Variants in CLEC16A observed in about 807,000 individuals in gnomAD.
The protein encoded by CLEC16A is C-type lectin domain containing 16A, also known as protein CLEC16A.
A neutral mutation model predicts 109.5 loss-of-function variants in CLEC16A; 51 were observed. The observed-to-expected ratio is 0.47, with a 90% CI of 0.37 to 0.59. CLEC16A has a LOEUF of 0.59. Ranked by LOEUF, CLEC16A falls within the 20% of genes least tolerant of loss-of-function variation. The probability of loss-of-function intolerance (pLI) is 0.00; values close to 1 mark genes in which losing one functional copy is unlikely to be tolerated. For synonymous variants in CLEC16A, 673 were observed against 564.2 expected (o/e 1.19, Z -2.73); for missense variants, 1,339 against 1,394.0 (o/e 0.96, Z 0.63).
chr16:11,175,447 C>T (rs1483941700), intron 23 of CLEC16A, among the ~76,000 whole-genome samples: 2 of 152,192 alleles, frequency 1.3e-5, no homozygotes, highest in Non-Finnish European at 2.9e-5. Context: ...AGGCATGAAG[C>T]CAAGGCTTCA....
chr16:11,011,765 T>C (rs1429199444), intron 11 of CLEC16A, among the ~76,000 whole-genome samples: 2 of 152,156 alleles, frequency 1.3e-5, no homozygotes, highest in Admixed American at 1.3e-4. Context: ...TAAGCATGCG[T>C]ACACACACGT....
At chr16:11,027,857 AG>A in intron 13 of CLEC16A, 1 of 665,560 alleles carries the variant, frequency 1.5e-6, no homozygotes, top group East Asian at 2.7e-5. Flanking sequence ...TCTTCAGAGA[AG>A]ATTATTTCCT....
chr16:11,063,004 C>T (rs1036735391), intron 19 of CLEC16A, among the ~76,000 whole-genome samples: 25 of 152,098 alleles, frequency 1.6e-4, no homozygotes, highest in Admixed American at 1.5e-3. Flanking sequence ...CTTCTCTCCT[C>T]CCCCTAGGAA....
intron 18 of CLEC16A, among the ~76,000 whole-genome samples, chr16:11,052,868 G>C (rs553421823): frequency 2.0e-5 from 3 of 149,980 alleles, no homozygotes; most frequent in South Asian, 4.2e-4. Flanking sequence ...TGCTGCTCTG[G>C]ATTCCACTTT....
chr16:10,972,877 T>A (rs1245183914), intron 6 of CLEC16A, 61 bp from the exon 7 acceptor site: 9 of 1,507,260 alleles, frequency 6.0e-6, no homozygotes, highest in African/African-American at 1.4e-5. Context: ...GTTTTTTTTT[T>A]AATCTTCCCC....
intron 19 of CLEC16A, among the ~76,000 whole-genome samples, chr16:11,065,732 G>A (rs1430350816): frequency 1.3e-5 from 2 of 152,242 alleles, no homozygotes; most frequent in East Asian, 1.9e-4. Flanking sequence ...TGCTGTGCCA[G>A]GAGGGACCAG....
chr16:11,141,819 A>G (rs2053844735), intron 22 of CLEC16A, among the ~76,000 whole-genome samples: 2 of 152,200 alleles, frequency 1.3e-5, no homozygotes, highest in Non-Finnish European at 2.9e-5. Flanking sequence ...GCCTCTGCAC[A>G]TCGTGTAGCA....
intron 19 of CLEC16A, among the ~76,000 whole-genome samples, chr16:11,078,944 T>A (rs2049546322): frequency 6.6e-6 from 1 of 152,210 alleles, no homozygotes; most frequent in South Asian, 2.1e-4. Flanking sequence ...TAAGCTTGCA[T>A]ACAGTGTGCC....
At chr16:11,077,525 C>T (rs908366080) in intron 19 of CLEC16A, among the ~76,000 whole-genome samples, 5 of 150,610 alleles carry the variant, frequency 3.3e-5, no homozygotes, top group Non-Finnish European at 7.4e-5. Context: ...GGCGTAGTGG[C>T]GTGTGCCTGT....
chr16:11,178,300 C>T lies in CLEC16A; in HGVS notation c.2807-35C>T. ...GCAGTGCGACGGGGTGTCTCAAGGG[C>T]TCAGTGTGTTTCCGGTTTTTCTCCC... On this transcript the variant is annotated intron_variant, in intron 23 of 23. Coordinates refer to ENST00000409790, the MANE Select transcript of CLEC16A (RefSeq NM_015226.3). The surrounding 1 kb of genome is among the most constrained non-coding windows in gnomAD (Gnocchi z 6.5). The T allele has an allele frequency of 6.4e-7, 1 of 1,559,360 alleles. No individual in the cohort carries two copies. The highest frequency in any genetic ancestry group is 2.3e-5 in the East Asian group (1 of 44,250).
chr16:11,136,867 G>T (rs1382953987), intron 22 of CLEC16A, among the ~76,000 whole-genome samples: 2 of 152,202 alleles, frequency 1.3e-5, no homozygotes, highest in Non-Finnish European at 2.9e-5. Context: ...CAGTCCCCCG[G>T]AGCCTCACAA....
chr16:10,979,644 T>C (rs922378292), intron 9 of CLEC16A, among the ~76,000 whole-genome samples: 2 of 152,214 alleles, frequency 1.3e-5, no homozygotes, highest in African/African-American at 2.4e-5. Flanking sequence ...ATTTTTACCA[T>C]GAAGACTGAG....
chr16:11,031,671 C>T (rs1023921420), intron 13 of CLEC16A, among the ~76,000 whole-genome samples: 11 of 152,216 alleles, frequency 7.2e-5, no homozygotes, highest in African/African-American at 2.7e-4. Context: ...GTGAAGCAAA[C>T]AAATGCTTTC....
At chr16:10,968,205 A>G (rs2042606100) in intron 3 of CLEC16A, among the ~76,000 whole-genome samples, 2 of 152,246 alleles carry the variant, frequency 1.3e-5, no homozygotes, top group Admixed American at 6.5e-5. Context: ...ATGCCTGGCA[A>G]GGGCCCAACA....
intron 18 of CLEC16A, chr16:11,057,182 C>G (rs2048254442): frequency 6.5e-6 from 1 of 154,320 alleles, no homozygotes; most frequent in South Asian, 2.1e-4. Flanking sequence ...GTTGTGCCCA[C>G]ATTAAACTGC....
At chr16:11,147,003 A>G (rs2054088851) in intron 22 of CLEC16A, among the ~76,000 whole-genome samples, 1 of 152,114 alleles carries the variant, frequency 6.6e-6, no homozygotes, top group Non-Finnish European at 1.5e-5. Context: ...TCTGACCCAG[A>G]CCAGGTGTCT....
chr16:10,965,647 G>T (rs2042465282), intron 3 of CLEC16A, among the ~76,000 whole-genome samples: 1 of 152,222 alleles, frequency 6.6e-6, no homozygotes, highest in Non-Finnish European at 1.5e-5. Context: ...CCTGTTGCCT[G>T]TTGGGGTTAG....
At chr16:11,066,822 C>G (rs1185801025) in intron 19 of CLEC16A, 2 of 152,130 alleles carry the variant, frequency 1.3e-5, no homozygotes, top group African/African-American at 4.8e-5. Flanking sequence ...CAGGCTTGAA[C>G]ATACTTCCCA....
At chr16:11,061,195 A>G (rs1208511954) in intron 19 of CLEC16A, among the ~76,000 whole-genome samples, 173 bp downstream of exon 19, 1 of 152,152 alleles carries the variant, frequency 6.6e-6, no homozygotes, top group Non-Finnish European at 1.5e-5. Flanking sequence ...TTTTGAAGAA[A>G]AGGCCCCTGG....
Sources: allele counts gnomAD v4.1 joint callset (sites outside exome capture counted in the v4.1 genomes callset), GRCh38; gene constraint gnomAD v4.1.1; non-coding constraint Gnocchi (gnomAD v3.1); transcripts MANE v1.5; gene names NCBI Gene and HGNC (gene_info 2026-07-23, HGNC 2026-07-21).